Variants in TOM1 observed in about 807,000 individuals in gnomAD.
TOM1 encodes the protein target of myb1 membrane trafficking protein.
A neutral mutation model predicts 61.3 loss-of-function variants in TOM1; 38 were observed. That is an observed-to-expected ratio of 0.62 (90% CI 0.48 to 0.81). The LOEUF is 0.81. TOM1 is among the 40% of genes least tolerant of loss of function. TOM1 has a pLI of 0.00. For synonymous variants in TOM1, 270 were observed against 268.8 expected (o/e 1.00, Z -0.04); for missense variants, 591 against 659.6 (o/e 0.90, Z 1.14).
At chr22:35,329,016 C>T (rs1350179231) in intron 7 of TOM1, among the ~76,000 whole-genome samples, 1 of 152,144 alleles carries the variant, frequency 6.6e-6, no homozygotes, top group Non-Finnish European at 1.5e-5. Flanking sequence ...AGTGCAGTGG[C>T]GCGATCTCGG....
At chr22:35,309,643 C>CAAA (rs537199618) in intron 1 of TOM1, among the ~76,000 whole-genome samples, 6 of 111,166 alleles carry the variant, frequency 5.4e-5, no homozygotes, top group South Asian at 3.0e-4. Context: ...GACTCCATCT[C>CAAA]AAAAAAAAAA....
In TOM1 at chr22:35,334,413, G is replaced by A. The variant is rs748657264; in HGVS notation, c.1113G>A (p.Leu371=). The A allele has an allele frequency of 1.9e-6, 3 of 1,614,112 alleles. No homozygotes were observed. Among genetic ancestry groups the A allele is most frequent in the Non-Finnish European group, 1.7e-6 (2 of 1,180,012 alleles). Residue 371 remains leucine (L), a synonymous_variant, in exon 11 of 15, where the codon CTG becomes CTA. Transcript: ENST00000449058. ...AAGATGAGTTTGACATGTTTGCGCT[G>A]ACACGGGGCAGCTCACTGGCTGACC... is the stretch of plus-strand genomic sequence containing the variant. ...RLEDEFDMFA[L]TRGSSLADQR... is the part of the protein sequence containing the mutation.
chr22:35,342,613 C>T (rs771221028), intron 12 of TOM1, among the ~76,000 whole-genome samples: 1 of 151,834 alleles, frequency 6.6e-6, no homozygotes, highest in Non-Finnish European at 1.5e-5. Flanking sequence ...TCTGCCTCAG[C>T]CTACCCAGGG....
At chr22:35,305,427 C>T (rs1011206075) in intron 1 of TOM1, among the ~76,000 whole-genome samples, 4 of 152,052 alleles carry the variant, frequency 2.6e-5, no homozygotes, top group African/African-American at 4.8e-5. Context: ...GTTGGGAGGC[C>T]GAGGCGGGTG....
At chr22:35,305,677 G>A (rs558893704) in intron 1 of TOM1, among the ~76,000 whole-genome samples, 1 of 149,998 alleles carries the variant, frequency 6.7e-6, no homozygotes, top group East Asian at 2.0e-4. Context: ...AAAAAAAACT[G>A]ATGGGTGCTG....
chr22:35,304,526 G>T (rs138748), intron 1 of TOM1, among the ~76,000 whole-genome samples: 78,039 of 151,904 alleles, frequency 0.51, 22,871 homozygotes, highest in Non-Finnish European at 0.65. Context: ...TCGCCCAGGC[G>T]GGAGTGCAGT....
chr22:35,335,975 C>T (rs1414503273), intron 11 of TOM1, among the ~76,000 whole-genome samples: 1 of 152,150 alleles, frequency 6.6e-6, no homozygotes, highest in Non-Finnish European at 1.5e-5. Context: ...GAAAGATGCT[C>T]TTCACACAGG....
At chr22:35,299,629 C>A (rs1925523907), upstream of TOM1, 2 of 447,996 alleles carry the variant, frequency 4.5e-6, no homozygotes, top group South Asian at 4.5e-5. Flanking sequence ...GTCCTTTAGA[C>A]CTCGCCCTAA....
intron 2 of TOM1, among the ~76,000 whole-genome samples, chr22:35,320,870 G>A (rs1313122489): frequency 1.3e-5 from 2 of 151,622 alleles, no homozygotes; most frequent in African/African-American, 2.4e-5. Flanking sequence ...TAGTCTCAGC[G>A]TTTTGGGAGG....
At chr22:35,322,248 G>A in intron 3 of TOM1, 1 of 568,248 alleles carries the variant, frequency 1.8e-6, no homozygotes, top group African/African-American at 1.9e-5. Context: ...CCCAGCATGG[G>A]AACAGACGCT....
intron 11 of TOM1, among the ~76,000 whole-genome samples, chr22:35,338,256 A>C (rs971771261): frequency 1.3e-5 from 2 of 152,214 alleles, no homozygotes; most frequent in African/African-American, 2.4e-5. Context: ...CCAGTGCAAG[A>C]CAAGATGGCA....
intron 7 of TOM1, among the ~76,000 whole-genome samples, chr22:35,328,225 G>A (rs1039109245): frequency 4.6e-5 from 7 of 152,306 alleles, no homozygotes; most frequent in Middle Eastern, 3.4e-3. Flanking sequence ...TCAGAGTCCA[G>A]TGAATACACA....
intron 11 of TOM1, among the ~76,000 whole-genome samples, chr22:35,335,166 C>T (rs1166835093): frequency 6.6e-6 from 1 of 152,158 alleles, no homozygotes; most frequent in Non-Finnish European, 1.5e-5. Flanking sequence ...ATGTTTTCTT[C>T]AGCCTTTTGC....
chr22:35,311,668 A>C (rs562107802), intron 1 of TOM1, among the ~76,000 whole-genome samples: 172 of 152,244 alleles, frequency 1.1e-3, no homozygotes, highest in Non-Finnish European at 2.2e-3. Flanking sequence ...CAGTCTTCAC[A>C]GGGACAGAGC....
intron 1 of TOM1, among the ~76,000 whole-genome samples, chr22:35,316,007 C>G (rs1322816720): frequency 6.6e-6 from 1 of 152,280 alleles, no homozygotes; most frequent in Non-Finnish European, 1.5e-5. Context: ...GCCTCCCTTG[C>G]AGGACAGCGT....
intron 2 of TOM1, among the ~76,000 whole-genome samples, chr22:35,320,926 G>A (rs928601018): frequency 4.3e-5 from 6 of 140,070 alleles, no homozygotes; most frequent in African/African-American, 1.0e-4. Flanking sequence ...GGGCTACAGC[G>A]AGCTGTGATT....
chr22:35,321,686 A>G (rs1927800434), intron 2 of TOM1: 1 of 535,876 alleles, frequency 1.9e-6, no homozygotes, highest in African/African-American at 1.9e-5. Context: ...GGCATGAGCC[A>G]CCGCGCCCGG....
chr22:35,342,923 C>T (rs1221619876), intron 12 of TOM1, among the ~76,000 whole-genome samples: 49 of 138,812 alleles, frequency 3.5e-4, no homozygotes, highest in Non-Finnish European at 4.5e-4. Flanking sequence ...CACCTCCACA[C>T]GTCATACCTC....
chr22:35,335,558 C>T (rs1177717003), intron 11 of TOM1: 3 of 152,988 alleles, frequency 2.0e-5, no homozygotes, highest in Middle Eastern at 1.9e-3. Flanking sequence ...CCAGACACGC[C>T]CATCCACAGA....
Sources: allele counts gnomAD v4.1 joint callset (sites outside exome capture counted in the v4.1 genomes callset), GRCh38; gene constraint gnomAD v4.1.1; transcripts MANE v1.5; gene names NCBI Gene and HGNC (gene_info 2026-07-23, HGNC 2026-07-21).